Variants in LARGE1 observed in about 807,000 individuals in gnomAD.
The protein encoded by LARGE1 is LARGE xylosyl- and glucuronyltransferase 1.
In LARGE1, 43 loss-of-function variants were observed where a neutral mutation model predicts 87.6. The observed-to-expected ratio is 0.49, with a 90% CI of 0.38 to 0.63. The LOEUF is 0.63. LARGE1 is among the 30% of genes least tolerant of loss of function. The probability of loss-of-function intolerance (pLI) is 0.00; values close to 1 mark genes in which losing one functional copy is unlikely to be tolerated. For missense variants in LARGE1, 802 were observed against 1,000.2 expected (o/e 0.80, Z 2.67); for synonymous variants, 434 against 394.6 (o/e 1.10, Z -1.18).
chr22:33,402,284 T>C (rs370205334), intron 7 of LARGE1, among the ~76,000 whole-genome samples: 22 of 152,300 alleles, frequency 1.4e-4, no homozygotes, highest in Middle Eastern at 3.4e-3. Context: ...CATCACTAAG[T>C]CAACGTCTTC....
chr22:33,415,783 G>C (rs1448999923), intron 7 of LARGE1, among the ~76,000 whole-genome samples: 2 of 152,202 alleles, frequency 1.3e-5, no homozygotes, highest in Admixed American at 6.5e-5. Context: ...ACTTGGCTCA[G>C]GGTCAAGACA....
chr22:33,862,637 G>A (rs1206314143), intron 1 of LARGE1, among the ~76,000 whole-genome samples: 1 of 152,212 alleles, frequency 6.6e-6, no homozygotes, highest in African/African-American at 2.4e-5. Flanking sequence ...GAGAAACAGT[G>A]TGGGGACACA....
intron 6 of LARGE1, among the ~76,000 whole-genome samples, chr22:33,472,554 A>G (rs2068890507): frequency 6.6e-6 from 1 of 152,158 alleles, no homozygotes; most frequent in African/African-American, 2.4e-5. Flanking sequence ...AGGTGAGGTC[A>G]AGGGATGATC....
intron 1 of LARGE1, among the ~76,000 whole-genome samples, chr22:33,772,664 C>A (rs1446436496): frequency 2.0e-5 from 3 of 152,094 alleles, no homozygotes; most frequent in Non-Finnish European, 4.4e-5. Flanking sequence ...TGTCTATCAC[C>A]GTGCTGCGGT....
intron 9 of LARGE1, among the ~76,000 whole-genome samples, chr22:33,343,851 A>T (rs1467016281): frequency 3.3e-5 from 5 of 152,188 alleles, no homozygotes; most frequent in Non-Finnish European, 7.3e-5. Context: ...CTAATAGGGT[A>T]GATATATAAA....
At chr22:33,651,240 A>AAAAAAAAAAAAAAAAAAAAAAAAAAAAAC (rs1218968780) in intron 2 of LARGE1, among the ~76,000 whole-genome samples, 2 of 144,194 alleles carry the variant, frequency 1.4e-5, no homozygotes, top group Non-Finnish European at 3.1e-5. Context: ...AAAAAAAAAA[A>AAAAAAAAAAAAAAAAAAAAAAAAAAAAAC]AATTAGCCGG....
At chr22:33,642,317 C>T (rs2080459382) in intron 3 of LARGE1, among the ~76,000 whole-genome samples, 1 of 152,180 alleles carries the variant, frequency 6.6e-6, no homozygotes. Context: ...AAATCCTTTA[C>T]AGACAAGCAA....
At chr22:33,219,793 C>G (rs1405689575) in intron 11 of LARGE1, among the ~76,000 whole-genome samples, 1 of 152,108 alleles carries the variant, frequency 6.6e-6, no homozygotes, top group Non-Finnish European at 1.5e-5. Context: ...AGACGCCATG[C>G]CTGGTGGATT....
intron 6 of LARGE1, among the ~76,000 whole-genome samples, chr22:33,547,055 T>C (rs1292852209): frequency 2.1e-5 from 1 of 47,516 alleles, no homozygotes; most frequent in East Asian, 3.5e-4. Flanking sequence ...TTTTTAAGCA[T>C]TTTTTTTTCT....
rs749980997 is a variant in LARGE1, at chr22:33,626,283, C to T, written c.452G>A (p.Arg151Gln). Reference protein sequence around the residue: ...AIVCAGYNASRDVVTLVKSVL... With the variant: ...AIVCAGYNASQDVVTLVKSVL... ...GGATTTGACCAGGGTGACGACATCC[C>T]GGCTGGCATTGTATCCGGCGCAGAC... Residue 151 changes from arginine (R) to glutamine (Q), a missense_variant, in exon 4 of 15, where the codon CGG becomes CAG. Transcript: ENST00000397394. The T allele has an allele frequency of 8.7e-6, 14 of 1,614,030 alleles. No individual in the cohort carries two copies. In the East Asian group the frequency reaches 1.3e-4, roughly 15 times the overall value.
intron 1 of LARGE1, among the ~76,000 whole-genome samples, chr22:33,853,054 G>C (rs923703577): frequency 4.6e-5 from 7 of 151,662 alleles, no homozygotes; most frequent in Non-Finnish European, 1.0e-4. Context: ...ATGAAGGGGG[G>C]GCCTAAACAA....
chr22:33,656,382 T>C (rs2080961409), intron 2 of LARGE1, among the ~76,000 whole-genome samples: 1 of 152,142 alleles, frequency 6.6e-6, no homozygotes, highest in African/African-American at 2.4e-5. Flanking sequence ...ATGAGAACAG[T>C]ATGAGGGAAC....
chr22:33,261,600 A>T (rs1354436224), intron 11 of LARGE1, among the ~76,000 whole-genome samples: 2 of 132,976 alleles, frequency 1.5e-5, no homozygotes, highest in Non-Finnish European at 3.0e-5. Context: ...ACAAAACAAA[A>T]ATCAAAAAAG....
chr22:33,352,103 C>T (rs553173470), intron 9 of LARGE1, among the ~76,000 whole-genome samples: 22 of 152,308 alleles, frequency 1.4e-4, no homozygotes, highest in African/African-American at 5.3e-4. Context: ...GAATGGCTAA[C>T]ATCCCTAGTA....
At chr22:33,700,414 T>C (rs1167627759) in intron 2 of LARGE1, among the ~76,000 whole-genome samples, 1 of 152,222 alleles carries the variant, frequency 6.6e-6, no homozygotes, top group Non-Finnish European at 1.5e-5. Context: ...CCAGGCACTA[T>C]GCGGAAGGCT....
At chr22:33,299,135 C>T (rs1417354878) in intron 12 of LARGE1, among the ~76,000 whole-genome samples, 2 of 151,922 alleles carry the variant, frequency 1.3e-5, no homozygotes, top group African/African-American at 4.8e-5. Flanking sequence ...TCGCTTGAGC[C>T]TGGGGAGGTT....
At chr22:33,351,329 G>GCAC (rs752526847) in intron 9 of LARGE1, among the ~76,000 whole-genome samples, 4 of 152,244 alleles carry the variant, frequency 2.6e-5, no homozygotes, top group Non-Finnish European at 5.9e-5. Flanking sequence ...AATGCAGAAG[G>GCAC]CATGATATGG....
chr22:33,339,235 G>A (rs1039984017), intron 9 of LARGE1, among the ~76,000 whole-genome samples: 1 of 152,052 alleles, frequency 6.6e-6, no homozygotes, highest in African/African-American at 2.4e-5. Flanking sequence ...AGATGCTTGT[G>A]CTGGAGCTTG....
intron 2 of LARGE1, among the ~76,000 whole-genome samples, chr22:33,690,033 C>T (rs1363552141): frequency 1.3e-5 from 2 of 152,198 alleles, no homozygotes; most frequent in African/African-American, 4.8e-5. Flanking sequence ...CACATGATCA[C>T]TAGACATCCG....
Sources: gnomAD v4.1 joint callset for allele counts (sites outside exome capture counted in the v4.1 genomes callset) on GRCh38, gnomAD v4.1.1 for gene constraint, MANE v1.5 for transcripts, NCBI Gene and HGNC (gene_info 2026-07-23, HGNC 2026-07-21) for gene names.